The following AK5 variants were observed in gnomAD, a reference collection of about 807,000 sequenced individuals.
AK5 encodes adenylate kinase 5.
A neutral mutation model predicts 69.5 loss-of-function variants in AK5; 27 were observed. The ratio of observed to expected loss-of-function variants is 0.39; its 90% CI spans 0.29 to 0.54. The LOEUF is 0.54. Among genes scored for constraint, AK5 ranks in the 20% least tolerant of loss-of-function variants. The pLI, the probability that AK5 is intolerant of heterozygous loss-of-function variation, is 0.71. For synonymous variants in AK5, 260 were observed against 244.4 expected (o/e 1.06, Z -0.60); for missense variants, 531 against 700.4 (o/e 0.76, Z 2.73).
intron 13 of AK5, 22 bp from the exon 14 acceptor site, chr1:77,558,580 C>CTTTT (rs771306755): frequency 1.4e-6 from 2 of 1,438,728 alleles, no homozygotes; most frequent in African/African-American, 1.4e-5. Context: ...GACTAACTCT[C>CTTTT]TTTTTTTCCT....
chr1:77,484,126 T>C (rs1655439505), intron 9 of AK5, among the ~76,000 whole-genome samples: 1 of 150,428 alleles, frequency 6.6e-6, no homozygotes, highest in Admixed American at 6.7e-5. Context: ...GTTTGCGTCA[T>C]TGCACTCTTG....
chr1:77,327,256 G>A (rs979104374), intron 5 of AK5, among the ~76,000 whole-genome samples: 2 of 152,038 alleles, frequency 1.3e-5, no homozygotes, highest in Non-Finnish European at 2.9e-5. Context: ...ACTGGGCATG[G>A]TGGCATGCAC....
chr1:77,472,051 A>G (rs1362534865), intron 8 of AK5, among the ~76,000 whole-genome samples: 2 of 152,234 alleles, frequency 1.3e-5, no homozygotes, highest in African/African-American at 4.8e-5. Context: ...ATATACTCAT[A>G]CCAGTATTCA....
At chr1:77,514,123 G>A (rs954028185) in intron 10 of AK5, among the ~76,000 whole-genome samples, 1 of 152,150 alleles carries the variant, frequency 6.6e-6, no homozygotes, top group African/African-American at 2.4e-5. Flanking sequence ...CACAGGGAAC[G>A]CTTTTTACAT....
chr1:77,365,423 CT>C (rs1486834915), intron 6 of AK5, among the ~76,000 whole-genome samples: 37 of 152,188 alleles, frequency 2.4e-4, no homozygotes, highest in Admixed American at 2.4e-3. Context: ...CAATGTTATA[CT>C]TTGTTTCATC....
chr1:77,420,164 G>T (rs1650713092), intron 8 of AK5, among the ~76,000 whole-genome samples: 1 of 151,874 alleles, frequency 6.6e-6, no homozygotes, highest in Non-Finnish European at 1.5e-5. Flanking sequence ...AGGTAAGGGG[G>T]TTAGGAATGC....
chr1:77,295,162 C>A (rs1456350965), intron 3 of AK5, among the ~76,000 whole-genome samples: 1 of 152,140 alleles, frequency 6.6e-6, no homozygotes, highest in African/African-American at 2.4e-5. Context: ...TGACCAAAAG[C>A]AAAACTCTGG....
Position 77,300,873 on chromosome 1 carries a change from C to T in AK5, c.699+2926C>T, listed in dbSNP as rs548999324. Among the ~76,000 whole-genome samples, 5 of 152,280 alleles carry T rather than the reference C, an allele frequency of 3.3e-5. No individual in the cohort carries two copies. In the South Asian group the frequency reaches 8.3e-4, roughly 25 times the overall value. Reference sequence around the variant, plus strand: ...CAGAAAAACACATTTAGTGGTTTATCATAAAGGATACAACTATATTTTTTT... The same window carrying T: ...CAGAAAAACACATTTAGTGGTTTATTATAAAGGATACAACTATATTTTTTT... On this transcript the variant is annotated intron_variant, in intron 5 of 13. Coordinates refer to ENST00000354567, the MANE Select transcript of AK5 (RefSeq NM_174858.3).
In AK5 at chr1:77,283,677, C is replaced by T. The variant is rs1658189772; in HGVS notation, c.60+1304C>T. 15 of 934,902 alleles carry T rather than the reference C, an allele frequency of 1.6e-5. No homozygotes were observed. In the South Asian group the frequency reaches 7.0e-4, roughly 43 times the overall value. 57.9% of individuals were successfully genotyped at this position (934,902 alleles called of 1,614,324 possible). A position where few individuals can be genotyped will look rare whatever the true frequency, so the allele number is the denominator to read the frequency against. On this transcript the variant is annotated intron_variant, in intron 1 of 13. Coordinates refer to ENST00000354567, the MANE Select transcript of AK5 (RefSeq NM_174858.3). ...AAATCTAGCAAATGTGTTACTCCTG[C>T]GTGAAAATAATTAGGTGGTGTTGCA... is the stretch of plus-strand genomic sequence containing the variant.
intron 12 of AK5, chr1:77,532,413 A>T (rs534871628): frequency 6.7e-6 from 1 of 148,196 alleles, no homozygotes; most frequent in Admixed American, 6.7e-5. Context: ...CATTTGGCCC[A>T]CTCAGCTTCT....
rs569940668 is a variant in AK5, at chr1:77,304,741, A to C, written c.699+6794A>C. ...ATTTGCTTTATCCATTCATCTGTGG[A>C]TGAACACTTAGTTTGCTTGCAAATC... On this transcript the variant is annotated intron_variant, in intron 5 of 13. Coordinates refer to ENST00000354567, the MANE Select transcript of AK5 (RefSeq NM_174858.3). Among the ~76,000 whole-genome samples, 21 of 152,314 alleles carry C rather than the reference A, an allele frequency of 1.4e-4. 1 individual carries two copies. The South Asian group carries it at 4.3e-3, about 32-fold the overall frequency.
intron 6 of AK5, among the ~76,000 whole-genome samples, chr1:77,404,022 T>G (rs1649440306): frequency 6.6e-6 from 1 of 152,200 alleles, no homozygotes; most frequent in Admixed American, 6.5e-5. Flanking sequence ...ACATCCCTCG[T>G]AAGTTGGATT....
intron 5 of AK5, among the ~76,000 whole-genome samples, chr1:77,334,456 G>A (rs1442631678): frequency 6.6e-6 from 1 of 152,020 alleles, no homozygotes; most frequent in Admixed American, 6.5e-5. Flanking sequence ...GTTGGTTTTT[G>A]TATTGCTTCT....
intron 6 of AK5, among the ~76,000 whole-genome samples, chr1:77,410,474 T>A (rs935234497): frequency 6.6e-6 from 1 of 152,100 alleles, no homozygotes; most frequent in African/African-American, 2.4e-5. Flanking sequence ...GAGACGGGGT[T>A]TTGCCGTGTT....
chr1:77,316,108 T>C (rs978893638), intron 5 of AK5, among the ~76,000 whole-genome samples: 2 of 152,154 alleles, frequency 1.3e-5, no homozygotes, highest in Non-Finnish European at 2.9e-5. Flanking sequence ...GTGGTCATGA[T>C]GGGAAGGGAC....
chr1:77,322,069 T>C (rs1015416624), intron 5 of AK5, among the ~76,000 whole-genome samples: 1 of 152,206 alleles, frequency 6.6e-6, no homozygotes, highest in Non-Finnish European at 1.5e-5. Flanking sequence ...TTTCCTAAAA[T>C]ATTGACTGAG....
chr1:77,342,468 A>G (rs1351360702), intron 6 of AK5, among the ~76,000 whole-genome samples: 1 of 152,194 alleles, frequency 6.6e-6, no homozygotes, highest in Non-Finnish European at 1.5e-5. Flanking sequence ...AGTCAATAAC[A>G]ATGTGGATGA....
intron 8 of AK5, among the ~76,000 whole-genome samples, chr1:77,452,253 A>C (rs1653203648): frequency 6.6e-6 from 1 of 152,138 alleles, no homozygotes; most frequent in Non-Finnish European, 1.5e-5. Flanking sequence ...GTCTTACTTA[A>C]TTTTAATGAA....
At chr1:77,541,299 C>A (rs897441224) in intron 13 of AK5, among the ~76,000 whole-genome samples, 2 of 152,182 alleles carry the variant, frequency 1.3e-5, no homozygotes, top group African/African-American at 4.8e-5. Flanking sequence ...TGGAACACAT[C>A]TGTGGTCACA....
Sources: allele counts gnomAD v4.1 joint callset (sites outside exome capture counted in the v4.1 genomes callset), GRCh38; gene constraint gnomAD v4.1.1; transcripts MANE v1.5; gene names NCBI Gene and HGNC (gene_info 2026-07-23, HGNC 2026-07-21).